Variants in FABP7 observed in about 807,000 individuals in gnomAD.
The protein encoded by FABP7 is fatty acid binding protein 7.
A neutral mutation model predicts 14.2 loss-of-function variants in FABP7; 13 were observed. That is an observed-to-expected ratio of 0.91 (90% CI 0.59 to 1.45). The LOEUF is 1.45. Among genes scored for constraint, FABP7 ranks in the 40% most tolerant of loss-of-function variants. The pLI, the probability that FABP7 is intolerant of heterozygous loss-of-function variation, is 0.00. For synonymous variants in FABP7, 49 were observed against 51.4 expected, an observed-to-expected ratio of 0.95 and a Z score of 0.20; for missense variants, 149 against 157.6, an observed-to-expected ratio of 0.95 and a Z score of 0.29.
Position 122,783,738 on chromosome 6 carries a change from G to A in FABP7, c.370G>A (p.Val124Ile). 6.2e-7 allele frequency: 1 copy of A among 1,607,064 alleles called. No individual in the cohort carries two copies. Among genetic ancestry groups the A allele is most frequent in the Non-Finnish European group, 8.5e-7 (1 of 1,177,996 alleles). The change falls in exon 4 of 4, where the codon GTT becomes ATT. Residue 124 changes from valine to isoleucine, a missense_variant. Coordinates refer to ENST00000368444, the MANE Select transcript of FABP7 (RefSeq NM_001446.5). ...GCAGACCCTTACTTTTGGTGATGTG[G>A]TTGCTGTTCGCCACTATGAGAAGGC... ...MVMTLTFGDVVAVRHYEKA is the reference protein window; with the variant it reads ...MVMTLTFGDVIAVRHYEKA
chr6:122,750,082 T>C, the FABP7 span, among the ~76,000 whole-genome samples: 2 of 152,326 alleles, frequency 1.3e-5, no homozygotes, highest in South Asian at 2.1e-4. Context: ...ATAAGATTTA[T>C]GTAAATTTTT....
chr6:122,777,232 G>A (rs141845005), upstream of FABP7, among the ~76,000 whole-genome samples: 76 of 152,248 alleles, frequency 5.0e-4, no homozygotes, highest in African/African-American at 1.7e-3. Context: ...TTTATTAGAT[G>A]AAACATATAG....
At chr6:122,750,169 T>A in the FABP7 span, among the ~76,000 whole-genome samples, 1 of 152,282 alleles carries the variant, frequency 6.6e-6, no homozygotes. Context: ...TGTTGAATAT[T>A]TCATGAGATA....
chr6:122,772,923 T>A, the FABP7 span, among the ~76,000 whole-genome samples: 2 of 151,828 alleles, frequency 1.3e-5, no homozygotes, highest in African/African-American at 4.8e-5. Flanking sequence ...AGGGTAGGCA[T>A]GATAAAATGT....
At chr6:122,782,483 T>A in intron 3 of FABP7, 1 of 963,640 alleles carries the variant, frequency 1.0e-6, no homozygotes, top group Non-Finnish European at 1.2e-6. Context: ...CCTAAATTGA[T>A]CAAATATAAA....
chr6:122,773,809 A>G, the FABP7 span, among the ~76,000 whole-genome samples: 1 of 152,178 alleles, frequency 6.6e-6, no homozygotes, highest in Non-Finnish European at 1.5e-5. Context: ...CAAGGCCAGG[A>G]GATTCAGCGT....
In FABP7 at chr6:122,780,407, A is replaced by C. The variant is rs761957254; in HGVS notation, c.190A>C (p.Ser64Arg). The C allele has an allele frequency of 1.5e-5, 24 of 1,613,974 alleles. No homozygotes were observed. Among genetic ancestry groups the C allele is most frequent in the Non-Finnish European group, 8.5e-6 (10 of 1,180,026 alleles). Residue 64 changes from serine (S) to arginine (R), a missense_variant, in exon 2 of 4, where the codon AGT (serine) becomes CGT (arginine). Physicochemically the swap from Ser to Arg is moderately radical, Grantham distance 110 (BLOSUM62 -1). Coordinates refer to ENST00000368444, the MANE Select transcript of FABP7 (RefSeq NM_001446.5). ...CAGCACATTCAAGAACACGGAGATT[A>C]GTTTCCAGCTGGGAGAAGAGTTTGA... ...TLSTFKNTEISFQLGEEFDET... is the reference protein window; with the variant it reads ...TLSTFKNTEIRFQLGEEFDET...
upstream of FABP7, among the ~76,000 whole-genome samples, chr6:122,776,263 G>A (rs1425340925): frequency 6.6e-6 from 1 of 152,068 alleles, no homozygotes; most frequent in Non-Finnish European, 1.5e-5. Flanking sequence ...GACAAGATTT[G>A]GAATCAACCT....
At position 122,780,583 on chromosome 6, in the gene FABP7, A is replaced by T. The variant is rs984339329; in HGVS notation, c.246+120A>T. 14 of 1,087,832 alleles carry T rather than the reference A, an allele frequency of 1.3e-5. No homozygotes were observed. The African/African-American group carries it at 1.4e-4, about 11-fold the overall frequency. The allele number at this position is 1,087,832 out of a possible 1,614,324, so 67.4% of individuals were successfully genotyped here. A position where few individuals can be genotyped will look rare whatever the true frequency, so the allele number is the denominator to read the frequency against. On this transcript the variant is annotated intron_variant, in intron 2 of 3. Coordinates refer to ENST00000368444, the MANE Select transcript of FABP7 (RefSeq NM_001446.5). ...TAGAATATTTTCAGTATTTCAATCCAAGGAGAAATACACCAAAGTTAGTTT... is the reference window on the plus strand; with the variant it reads ...TAGAATATTTTCAGTATTTCAATCCTAGGAGAAATACACCAAAGTTAGTTT...
chr6:122,755,941 G>A, the FABP7 span, among the ~76,000 whole-genome samples: 1 of 152,100 alleles, frequency 6.6e-6, no homozygotes, highest in African/African-American at 2.4e-5. Flanking sequence ...GAGTCACAGC[G>A]GCTGCAGTCC....
chr6:122,763,183 A>G, the FABP7 span, among the ~76,000 whole-genome samples: 1 of 152,216 alleles, frequency 6.6e-6, no homozygotes, highest in South Asian at 2.1e-4. Context: ...ACTGGTACCA[A>G]AACAGATATA....
chr6:122,763,531 A>T, the FABP7 span, among the ~76,000 whole-genome samples: 100 of 152,242 alleles, frequency 6.6e-4, no homozygotes, highest in African/African-American at 2.4e-3. Context: ...AAGCCAAAAT[A>T]GACAAATGGG....
chr6:122,771,744 G>A, the FABP7 span, among the ~76,000 whole-genome samples: 3 of 152,234 alleles, frequency 2.0e-5, no homozygotes, highest in Admixed American at 6.5e-5. Context: ...GATTAAAGAA[G>A]AGGCTTAGAT....
At chr6:122,771,363 G>C in the FABP7 span, among the ~76,000 whole-genome samples, 1 of 152,146 alleles carries the variant, frequency 6.6e-6, no homozygotes, top group Non-Finnish European at 1.5e-5. Flanking sequence ...ATCTTCAACT[G>C]ATCCCAGATT....
At chr6:122,763,429 A>G in the FABP7 span, among the ~76,000 whole-genome samples, 1 of 152,248 alleles carries the variant, frequency 6.6e-6, no homozygotes, top group South Asian at 2.1e-4. Context: ...CTAAAACCAT[A>G]AAAACCCTAG....
upstream of FABP7, among the ~76,000 whole-genome samples, chr6:122,776,665 G>T (rs191162288): frequency 8.5e-4 from 129 of 152,216 alleles, no homozygotes; most frequent in Admixed American, 1.2e-3. Flanking sequence ...AGCTAGAAAA[G>T]AATATTTAGA....
the FABP7 span, among the ~76,000 whole-genome samples, chr6:122,750,079 T>G: frequency 6.6e-6 from 1 of 152,180 alleles, no homozygotes; most frequent in Non-Finnish European, 1.5e-5. Context: ...ACAATAAGAT[T>G]TATGTAAATT....
the FABP7 span, among the ~76,000 whole-genome samples, chr6:122,767,398 T>C: frequency 1.3e-5 from 2 of 152,054 alleles, no homozygotes; most frequent in African/African-American, 4.8e-5. Flanking sequence ...ACAAACCTAA[T>C]TGATTAGTGG....
chr6:122,754,715 C>CTA, the FABP7 span, among the ~76,000 whole-genome samples: 1 of 150,290 alleles, frequency 6.7e-6, no homozygotes, highest in Non-Finnish European at 1.5e-5. Context: ...TGTGCTAAGA[C>CTA]TATCCTCTTT....
Sources: gnomAD v4.1 joint callset for allele counts (sites outside exome capture counted in the v4.1 genomes callset) on GRCh38, gnomAD v4.1.1 for gene constraint, MANE v1.5 for transcripts, NCBI Gene and HGNC (gene_info 2026-07-23, HGNC 2026-07-21) for gene names.